CDH26: variants seen among roughly 807,000 people sequenced by gnomAD.
CDH26 encodes cadherin-like protein 26.
CDH26 carries 83 observed loss-of-function variants against 90.3 expected under a neutral mutation model. That is an observed-to-expected ratio of 0.92 (90% CI 0.77 to 1.10). The LOEUF is 1.10. Ranked by LOEUF, CDH26 falls within the 50% of genes least tolerant of loss-of-function variation. The pLI, the probability that CDH26 is intolerant of heterozygous loss-of-function variation, is 0.00. For synonymous variants in CDH26, 397 were observed against 396.3 expected, an observed-to-expected ratio of 1.00 and a Z score of -0.02; for missense variants, 1,013 against 1,037.6, an observed-to-expected ratio of 0.98 and a Z score of 0.33.
chr20:59,961,149 A>G (rs1025728552), intron 1 of CDH26, among the ~76,000 whole-genome samples: 9 of 152,224 alleles, frequency 5.9e-5, no homozygotes, highest in African/African-American at 2.2e-4. Flanking sequence ...GGATTTGAAT[A>G]TAGTCCAGAT....
At chr20:59,968,801 C>T (rs1441735560) in intron 1 of CDH26, among the ~76,000 whole-genome samples, 166 bp from the exon 2 acceptor site, 1 of 152,136 alleles carries the variant, frequency 6.6e-6, no homozygotes, top group African/African-American at 2.4e-5. Context: ...AGATAAGTGG[C>T]AATCATGAAT....
At chr20:60,018,010 T>C (rs1267713137), downstream of CDH26, among the ~76,000 whole-genome samples, 1 of 152,070 alleles carries the variant, frequency 6.6e-6, no homozygotes, top group Non-Finnish European at 1.5e-5. Flanking sequence ...TTTTGAAGCT[T>C]GTTTTGTATC....
intron 5 of CDH26, among the ~76,000 whole-genome samples, chr20:59,983,489 A>C (rs555482126): frequency 6.7e-6 from 1 of 148,832 alleles, no homozygotes. Context: ...TATTTTAATA[A>C]CAAAAATCAT....
At chr20:60,029,191 A>T (rs941873751) in intron 7 of CDH26, among the ~76,000 whole-genome samples, 1 of 152,162 alleles carries the variant, frequency 6.6e-6, no homozygotes, top group Non-Finnish European at 1.5e-5. Flanking sequence ...GGAGATGGGG[A>T]TCTGTTTGTC....
At position 60,006,773 on chromosome 20, in the gene CDH26, G is replaced by A; in HGVS notation, c.2281G>A (p.Glu761Lys). 1.2e-6 allele frequency: 2 copies of A among 1,613,908 alleles called. No homozygotes were observed. Among genetic ancestry groups the A allele is most frequent in the Non-Finnish European group, 1.7e-6 (2 of 1,179,792 alleles). The change falls in exon 17 of 18, where the codon GAG (glutamate) becomes AAG (lysine). Residue 761 changes from glutamate to lysine, a missense_variant. Physicochemically the swap from Glu to Lys is moderately conservative, Grantham distance 56. Coordinates refer to ENST00000348616, the MANE Select transcript of CDH26 (RefSeq NM_177980.4). ...LLAPVEGRMA[E>K]TLNQKLHVAN... is the part of the protein sequence containing the mutation. ...GGCTCCGGTGGAAGGAAGGATGGCA[G>A]AGACATTGAATCAGGTAGGGAGAGC...
At chr20:60,022,858 A>G (rs2061968880) in intron 7 of CDH26, among the ~76,000 whole-genome samples, 1 of 152,064 alleles carries the variant, frequency 6.6e-6, no homozygotes, top group South Asian at 2.1e-4. Context: ...AATTTTGTGC[A>G]AGTATGAGGC....
chr20:59,995,736 A>G, intron 11 of CDH26, 97 bp from the exon 12 acceptor site: 1 of 1,106,174 alleles, frequency 9.0e-7, no homozygotes, highest in Non-Finnish European at 1.4e-6. Context: ...TTACTTTCAT[A>G]CAGAGCTTGG....
rs1430348722 is a variant in CDH26 at position 59,996,663 on chromosome 20, G to A, written c.1921G>A (p.Val641Met). 48 of 1,614,036 alleles carry A rather than the reference G, an allele frequency of 3.0e-5. No individual in the cohort carries two copies. Among genetic ancestry groups the A allele is most frequent in the Middle Eastern group, 1.6e-4 (1 of 6,084 alleles). Residue 641 changes from valine to methionine, a missense_variant, in exon 13 of 18, where the codon GTG becomes ATG. Val to Met is a conservative substitution (Grantham distance 21). Coordinates refer to ENST00000348616, the MANE Select transcript of CDH26 (RefSeq NM_177980.4). Reference sequence around the variant, plus strand: ...GCTTTTTCTGTTGCGATGCTATTTTGTGCTTGAACCTAAGAGGCATGGATG... The same window carrying A: ...GCTTTTTCTGTTGCGATGCTATTTTATGCTTGAACCTAAGAGGCATGGATG... ...ALLFLLRCYF[V>M]LEPKRHGCSV...
chr20:59,999,178 C>A (rs2146002331), intron 13 of CDH26, among the ~76,000 whole-genome samples: 1 of 152,244 alleles, frequency 6.6e-6, no homozygotes, highest in East Asian at 1.9e-4. Flanking sequence ...CAACCTGAGT[C>A]CCTCAGTGAA....
chr20:59,989,299 C>T (rs112463639), intron 9 of CDH26, 136 bp downstream of exon 9: 13 of 1,107,436 alleles, frequency 1.2e-5, no homozygotes, highest in Non-Finnish European at 1.7e-5. Flanking sequence ...GAGGCCGAGG[C>T]GGGTGGATCA....
downstream of CDH26, among the ~76,000 whole-genome samples, chr20:60,018,702 C>CTTTTTTTTTTTTTTTTTTTTTT (rs55994712): frequency 1.3e-3 from 23 of 17,790 alleles, 3 homozygotes; most frequent in South Asian, 7.7e-3. Context: ...CTCTTACTGC[C>CTTTTTTTTTTTTTTTTTTTTTT]TTTTTTTTTT....
rs762762865 is a variant in CDH26 at position 59,970,075 on chromosome 20, G to T, written c.127-7G>T. 2 of 1,611,356 alleles carry T rather than the reference G, an allele frequency of 1.2e-6. No individual in the cohort carries two copies. The highest frequency in any genetic ancestry group is 1.7e-5 in the Admixed American group (1 of 59,570). On this transcript the variant is annotated splice_region_variant and splice_polypyrimidine_tract_variant and intron_variant, in intron 2 of 17. Coordinates refer to ENST00000348616, the MANE Select transcript of CDH26 (RefSeq NM_177980.4). ...CTCATTGTCACCAGTGTCACTATAA[G>T]TTCCAGGAAAAGATCTACCAGCCTC...
intron 7 of CDH26, among the ~76,000 whole-genome samples, chr20:60,019,841 G>T (rs970053284): frequency 2.6e-5 from 4 of 152,112 alleles, no homozygotes; most frequent in African/African-American, 9.7e-5. Context: ...TAATTTTATG[G>T]AGTAGGTTTC....
chr20:59,990,870 T>C (rs1392979819), intron 9 of CDH26, among the ~76,000 whole-genome samples: 1 of 151,540 alleles, frequency 6.6e-6, no homozygotes. Flanking sequence ...TCTTTTCTTT[T>C]TTTTTTTTCT....
downstream of CDH26, among the ~76,000 whole-genome samples, chr20:60,018,702 CTTTTTTTTTTTTTTTTTT>C (rs55994712): frequency 3.4e-4 from 6 of 17,814 alleles, 1 homozygote; most frequent in Admixed American, 2.5e-3. Flanking sequence ...CTCTTACTGC[CTTTTTTTTTTTTTTTTTT>C]TTTTTTTTTT....
intron 7 of CDH26, among the ~76,000 whole-genome samples, chr20:60,029,682 G>A (rs1391954938): frequency 6.6e-6 from 1 of 151,266 alleles, no homozygotes; most frequent in Non-Finnish European, 1.5e-5. Flanking sequence ...TCCCCTCCCT[G>A]CGTCCATGTG....
intron 11 of CDH26, among the ~76,000 whole-genome samples, chr20:59,995,629 T>C (rs2061583111): frequency 1.3e-5 from 2 of 152,246 alleles, no homozygotes; most frequent in African/African-American, 4.8e-5. Flanking sequence ...TAGAGAATTG[T>C]TGAACCTGAG....
chr20:60,001,035 C>T (rs6064877), intron 14 of CDH26, among the ~76,000 whole-genome samples: 2,394 of 152,274 alleles, frequency 0.016, 35 homozygotes, highest in Non-Finnish European at 0.025. Flanking sequence ...TGAGTGTCAC[C>T]TTCTAGATGT....
chr20:60,012,598 G>A lies in CDH26; in HGVS notation c.2367G>A (p.Glu789=), dbSNP rs1262457262. The A allele has an allele frequency of 1.2e-6, 2 of 1,614,196 alleles. No individual in the cohort carries two copies. The highest frequency in any genetic ancestry group is 1.7e-6 in the Non-Finnish European group (2 of 1,180,036). The change falls in exon 18 of 18, where the codon GAG becomes GAA. Residue 789 remains glutamate, a synonymous_variant. Coordinates refer to ENST00000348616, the MANE Select transcript of CDH26 (RefSeq NM_177980.4). ...YLPHVYSEEG[E]CGGAPSLSSL... is the part of the protein sequence containing the mutation. ...CTCACGTCTACAGCGAGGAAGGGGA[G>A]TGTGGAGGGGCCCCATCCCTCAGCT...
Sources: allele counts gnomAD v4.1 joint callset (sites outside exome capture counted in the v4.1 genomes callset), GRCh38; gene constraint gnomAD v4.1.1; transcripts MANE v1.5; gene names NCBI Gene and HGNC (gene_info 2026-07-23, HGNC 2026-07-21).